FGD6: variants seen among roughly 807,000 people sequenced by gnomAD.
FGD6 encodes the protein FYVE, RhoGEF and PH domain-containing protein 6.
Under a neutral mutation model 149.4 loss-of-function variants are expected in FGD6, and 90 were observed. That is an observed-to-expected ratio of 0.60 (90% CI 0.51 to 0.72). FGD6 has a LOEUF of 0.72. Ranked by LOEUF, FGD6 falls within the 30% of genes least tolerant of loss-of-function variation. The pLI is 0.00. For missense variants in FGD6, 1,437 were observed against 1,684.8 expected (o/e 0.85, Z 2.57); for synonymous variants, 527 against 584.0 (o/e 0.90, Z 1.41).
At chr12:95,162,431 G>A (rs1880672526) in intron 3 of FGD6, among the ~76,000 whole-genome samples, 1 of 152,140 alleles carries the variant, frequency 6.6e-6, no homozygotes, top group South Asian at 2.1e-4. Flanking sequence ...GGAGGCTGAA[G>A]CATGAGAGTC....
At chr12:95,157,919 C>T (rs1880520882) in intron 3 of FGD6, among the ~76,000 whole-genome samples, 1 of 152,168 alleles carries the variant, frequency 6.6e-6, no homozygotes, top group South Asian at 2.1e-4. Context: ...GCAATCTCAG[C>T]TCACTGTAAC....
At chr12:95,111,844 T>A (rs1878833804) in intron 9 of FGD6, among the ~76,000 whole-genome samples, 1 of 152,110 alleles carries the variant, frequency 6.6e-6, no homozygotes, top group Non-Finnish European at 1.5e-5. Flanking sequence ...ACAGAAGATG[T>A]TAAGAGAAGT....
At chr12:95,122,147 C>T (rs946047718) in intron 8 of FGD6, among the ~76,000 whole-genome samples, 7 of 152,082 alleles carry the variant, frequency 4.6e-5, no homozygotes, top group Non-Finnish European at 8.8e-5. Context: ...TATTTCTATA[C>T]ACAAAATCAT....
chr12:95,152,730 T>C lies in FGD6; in HGVS notation c.2685+81A>G. ...TAGAAAATGTCTATCATTAAGTTAG[T>C]AATGCTGAAAACTTCTAGGGGTAGG... On this transcript the variant is annotated intron_variant, in intron 5 of 20. Coordinates refer to ENST00000343958, the MANE Select transcript of FGD6 (RefSeq NM_018351.4). 3.3e-6 allele frequency: 4 copies of C among 1,219,628 alleles called. No individual in the cohort carries two copies. The South Asian group carries it at 4.0e-5, about 12-fold the overall frequency. 75.6% of individuals were successfully genotyped at this position (1,219,628 alleles called of 1,614,324 possible). A position where few individuals can be genotyped will look rare whatever the true frequency, so the allele number is the denominator to read the frequency against.
At chr12:95,208,774 C>T in intron 2 of FGD6, 69 bp downstream of exon 2, 1 of 1,520,030 alleles carries the variant, frequency 6.6e-7, no homozygotes, top group Non-Finnish European at 8.8e-7. Context: ...CCCTGCATTC[C>T]TAACTCACCA....
At chr12:95,082,175 C>G (rs1188005109) in intron 20 of FGD6, among the ~76,000 whole-genome samples, 2 of 152,178 alleles carry the variant, frequency 1.3e-5, no homozygotes, top group Admixed American at 6.5e-5. Flanking sequence ...TCAGTGAAGG[C>G]TTTATTACAA....
rs779070003 is a variant in FGD6 at position 95,089,626 on chromosome 12, G to A, written c.3921C>T (p.Val1307=). ...HKSPSSALSS[V]LHSIPSGRKQ... The stretch of plus-strand genomic sequence containing the variant: ...TCCTCCCTGATGGAATGCTATGTAA[G>A]ACTGATGATAAGGCACTTGAAGGAG... The change falls in exon 18 of 21, where the codon GTC becomes GTT. Residue 1307 remains valine, a synonymous_variant. Coordinates refer to ENST00000343958, the MANE Select transcript of FGD6 (RefSeq NM_018351.4). 3.1e-6 allele frequency: 5 copies of A among 1,613,970 alleles called. No homozygotes were observed. The South Asian group carries it at 5.5e-5, about 18-fold the overall frequency.
intron 5 of FGD6, among the ~76,000 whole-genome samples, chr12:95,143,525 C>A (rs1485119639): frequency 6.6e-6 from 1 of 152,152 alleles, no homozygotes; most frequent in Non-Finnish European, 1.5e-5. Flanking sequence ...AAAGGACTAA[C>A]TTGTATACCT....
rs771166655 is a variant in FGD6, at chr12:95,211,196, T to C, written c.88A>G (p.Ile30Val). The change falls in exon 2 of 21, where the codon ATT becomes GTT. Residue 30 changes from isoleucine (I) to valine (V), a missense_variant. By Grantham distance (29) the Ile-to-Val change is conservative. Transcript: ENST00000343958. ...VANNKPAPPP[I>V]APKPDIVISS... is the part of the protein sequence containing the mutation. ...ATCACAATGTCGGGTTTAGGTGCAATAGGAGGTGGGGCTGGCTTATTATTT... is the reference window on the plus strand; with the variant it reads ...ATCACAATGTCGGGTTTAGGTGCAACAGGAGGTGGGGCTGGCTTATTATTT... 24 of 1,613,504 alleles carry C rather than the reference T, an allele frequency of 1.5e-5. No individual in the cohort carries two copies. Among genetic ancestry groups the C allele is most frequent in the South Asian group, 2.2e-5 (2 of 91,030 alleles).
intron 5 of FGD6, among the ~76,000 whole-genome samples, chr12:95,141,944 T>A (rs1879859432): frequency 6.6e-6 from 1 of 152,086 alleles, no homozygotes; most frequent in African/African-American, 2.4e-5. Context: ...ATTCTGGATT[T>A]AAGAGTCCCA....
rs1877636952 is a variant in FGD6 at position 95,080,447 on chromosome 12, T to C, written c.*1073A>G. The C allele has an allele frequency of 6.7e-6, 1 of 148,882 alleles. No homozygotes were observed. The highest frequency in any genetic ancestry group is 1.9e-4 in the East Asian group (1 of 5,162). The allele number at this position is 148,882 out of a possible 1,614,324, so 9.2% of individuals were successfully genotyped here. ...CCTAAGGAGGTGTGCTGATAGCTGC[T>C]TATAGAGAAAGGATTTGTTGTTTTT... On this transcript the variant is annotated 3_prime_UTR_variant, in exon 21 of 21. Transcript: ENST00000343958.
chr12:95,123,814 G>A (rs1227373827), intron 8 of FGD6, among the ~76,000 whole-genome samples: 4 of 152,018 alleles, frequency 2.6e-5, no homozygotes, highest in Admixed American at 6.6e-5. Flanking sequence ...CACCCGCCTC[G>A]GCCTCCCAAA....
Position 95,105,997 on chromosome 12 carries a change from G to A in FGD6, c.3418-911C>T, listed in dbSNP as rs911813524. ...TGCACTCTAGCCTGGGTAACAGAGT[G>A]AGACTCTGTCACAAAAAAACAAAAC... On this transcript the variant is annotated intron_variant, in intron 13 of 20. Transcript: ENST00000343958. Among the ~76,000 whole-genome samples the A allele has an allele frequency of 7.2e-5, 11 of 152,214 alleles. No homozygotes were observed. In the East Asian group the frequency reaches 1.2e-3, roughly 16 times the overall value.
chr12:95,089,224 A>G (rs2136232562), intron 18 of FGD6, among the ~76,000 whole-genome samples: 1 of 152,324 alleles, frequency 6.6e-6, no homozygotes, highest in Non-Finnish European at 1.5e-5. Flanking sequence ...GCAGATCACT[A>G]AATGCTAACA....
chr12:95,166,134 C>T (rs1880806627), intron 3 of FGD6, among the ~76,000 whole-genome samples: 2 of 151,898 alleles, frequency 1.3e-5, no homozygotes, highest in South Asian at 4.2e-4. Context: ...CACTATGTTG[C>T]CCAGCCTGGT....
intron 2 of FGD6, among the ~76,000 whole-genome samples, chr12:95,174,044 T>C (rs888194147): frequency 2.6e-5 from 4 of 152,274 alleles, no homozygotes; most frequent in Middle Eastern, 3.4e-3. Context: ...GGGTTTTCCA[T>C]TACTCAATGG....
At chr12:95,142,123 A>G (rs1879866293) in intron 5 of FGD6, among the ~76,000 whole-genome samples, 2 of 147,546 alleles carry the variant, frequency 1.4e-5, no homozygotes, top group South Asian at 4.3e-4. Context: ...GCGTGCCACC[A>G]TGCCAGGCTC....
At chr12:95,141,293 A>G (rs1050014776) in intron 6 of FGD6, 95 bp downstream of exon 6, 3 of 1,245,496 alleles carry the variant, frequency 2.4e-6, no homozygotes, top group African/African-American at 3.0e-5. Context: ...AAACAACTCA[A>G]TGTAATGAAA....
chr12:95,101,117 C>G (rs1878414761), intron 14 of FGD6: 1 of 169,134 alleles, frequency 5.9e-6, no homozygotes, highest in African/African-American at 2.4e-5. Context: ...GAGTGGATCA[C>G]TTGAGGTCAG....
Sources: gnomAD v4.1 joint callset for allele counts (sites outside exome capture counted in the v4.1 genomes callset) on GRCh38, gnomAD v4.1.1 for gene constraint, MANE v1.5 for transcripts, NCBI Gene and HGNC (gene_info 2026-07-23, HGNC 2026-07-21) for gene names.